TUBB4A: variants seen among roughly 807,000 people sequenced by gnomAD.
TUBB4A encodes tubulin beta 4A class IVa.
Under a neutral mutation model 35.1 loss-of-function variants are expected in TUBB4A, and 13 were observed. The observed-to-expected ratio is 0.37, with a 90% CI of 0.24 to 0.59. The LOEUF is 0.59. Ranked by LOEUF, TUBB4A falls within the 20% of genes least tolerant of loss-of-function variation. The pLI, the probability that TUBB4A is intolerant of heterozygous loss-of-function variation, is 0.71. For missense variants in TUBB4A, 299 were observed against 647.2 expected (o/e 0.46, Z 5.84); for synonymous variants, 279 against 272.4 (o/e 1.02, Z -0.24).
upstream of TUBB4A, chr19:6,502,354 GC>G: frequency 4.3e-6 from 4 of 927,668 alleles, no homozygotes; most frequent in Non-Finnish European, 6.0e-6. Context: ...GGCGGGGCAC[GC>G]GTCACGGCCG....
At chr19:6,502,342 C>T, upstream of TUBB4A, 1 of 1,061,760 alleles carries the variant, frequency 9.4e-7, no homozygotes, top group Non-Finnish European at 1.3e-6. Context: ...GCTATATGAG[C>T]GGGCGGGGCA....
At chr19:6,500,569 T>G (rs1914483429) in intron 3 of TUBB4A, 2 of 151,992 alleles carry the variant, frequency 1.3e-5, no homozygotes, top group Admixed American at 1.3e-4. Context: ...GAGACCCACC[T>G]CTCTACAAAG....
At chr19:6,496,632 AAATAAT>A (rs143972720) in intron 3 of TUBB4A, among the ~76,000 whole-genome samples, 75 of 143,442 alleles carry the variant, frequency 5.2e-4, no homozygotes, top group African/African-American at 1.6e-3. Flanking sequence ...CTCCGTCTCA[AAATAAT>A]AATAATAATA....
At position 6,495,566 on chromosome 19, in the gene TUBB4A, C is replaced by T; in HGVS notation, c.933G>A (p.Leu311=). 3 of 1,614,062 alleles carry T rather than the reference C, an allele frequency of 1.9e-6. No homozygotes were observed. The highest frequency in any genetic ancestry group is 2.5e-6 in the Non-Finnish European group (3 of 1,179,978). The part of the protein sequence containing the change: ...AACDPRHGRY[L]TVAAVFRGRM... ...GGCCCCGGAACACGGCGGCCACGGTCAGGTAGCGGCCGTGGCGCGGGTCGC... is the reference window on the plus strand; with the variant it reads ...GGCCCCGGAACACGGCGGCCACGGTTAGGTAGCGGCCGTGGCGCGGGTCGC... Residue 311 remains leucine, a synonymous_variant, in exon 4 of 4, where the codon CTG becomes CTA. Coordinates refer to ENST00000264071, the MANE Select transcript of TUBB4A (RefSeq NM_006087.4). This position sits in a 1 kb window ranked among gnomAD's most constrained non-coding sequence, Gnocchi z 8.7.
Position 6,502,172 on chromosome 19 carries a change from T to G in TUBB4A, c.41A>C (p.Asn14Thr). 6.3e-7 allele frequency: 1 copy of G among 1,577,436 alleles called. No homozygotes were observed. Among genetic ancestry groups the G allele is most frequent in the Non-Finnish European group, 8.5e-7 (1 of 1,169,740 alleles). ...CCCGAGCACCTTGGCCCCGATCTGG[T>G]TGCCGCACTGGCCGGCCTGCAGGTG... ...IVHLQAGQCG[N>T]QIGAKFWEVI... Residue 14 changes from asparagine to threonine, a missense_variant, in exon 1 of 4, where the codon AAC (asparagine) becomes ACC (threonine). By Grantham distance (65) the Asn-to-Thr change is moderately conservative (BLOSUM62 0). Around this residue, in one of 5 missense-constraint regions of TUBB4A, gnomAD observed 123 missense variants for 226.0 expected, o/e 0.54. Coordinates refer to ENST00000264071, the MANE Select transcript of TUBB4A (RefSeq NM_006087.4).
intron 3 of TUBB4A, among the ~76,000 whole-genome samples, chr19:6,497,564 C>T (rs189908334): frequency 7.2e-5 from 11 of 152,040 alleles, no homozygotes; most frequent in African/African-American, 2.4e-4. Flanking sequence ...CCATGCTTGG[C>T]CTGTGTTTTC....
Position 6,501,336 on chromosome 19 carries a change from G to A in TUBB4A, c.228C>T (p.Val76=). The change falls in exon 3 of 4, where the codon GTC becomes GTT. Residue 76 remains valine, a synonymous_variant. Coordinates refer to ENST00000264071, the MANE Select transcript of TUBB4A (RefSeq NM_006087.4). This position sits in a 1 kb window ranked among gnomAD's most constrained non-coding sequence, Gnocchi z 4.2. ...AGATCTGACCGAAGGGGCCAGAACG[G>A]ACAGAGTCCATGGTGCCGGGTTCCA... The part of the protein sequence containing the change: ...VDLEPGTMDS[V]RSGPFGQIFR... 1 of 1,614,204 alleles carries A rather than the reference G, an allele frequency of 6.2e-7. No individual in the cohort carries two copies. The highest frequency in any genetic ancestry group is 8.5e-7 in the Non-Finnish European group (1 of 1,180,016).
rs780625174 is a variant in TUBB4A, at chr19:6,501,449, G to A, written c.167-52C>T. 8.8e-6 allele frequency: 14 copies of A among 1,599,262 alleles called. No individual in the cohort carries two copies. Among genetic ancestry groups the A allele is most frequent in the Middle Eastern group, 1.7e-4 (1 of 6,048 alleles). On this transcript the variant is annotated intron_variant, in intron 2 of 3. Coordinates refer to ENST00000264071, the MANE Select transcript of TUBB4A (RefSeq NM_006087.4). The surrounding 1 kb of genome is among the most constrained non-coding windows in gnomAD (Gnocchi z 4.2). ...TCGATGCGTGCCAGGAACCACAGGC[G>A]CCCGGTAGCATCCTGTTCCCTCCCA...
chr19:6,501,201 TG>T lies in TUBB4A; in HGVS notation c.277+85del. 8.8e-7 allele frequency: 1 copy of T among 1,139,146 alleles called. No individual in the cohort carries two copies. Among genetic ancestry groups the T allele is most frequent in the Non-Finnish European group, 1.3e-6 (1 of 789,756 alleles). 70.6% of individuals were successfully genotyped at this position (1,139,146 alleles called of 1,614,324 possible). A position where few individuals can be genotyped will look rare whatever the true frequency, so the allele number is the denominator to read the frequency against. Reference sequence around the variant, plus strand: ...CCCTGTCCACCCCATCTCTGGTCTGTGGGCCCCGGTGGTGGCTGTTGACTCT... The same window carrying T: ...CCCTGTCCACCCCATCTCTGGTCTGTGGCCCCGGTGGTGGCTGTTGACTCT... On this transcript the variant is annotated intron_variant, in intron 3 of 3. Coordinates refer to ENST00000264071, the MANE Select transcript of TUBB4A (RefSeq NM_006087.4). The surrounding 1 kb of genome is among the most constrained non-coding windows in gnomAD (Gnocchi z 4.2).
chr19:6,498,673 C>G (rs1914388923), intron 3 of TUBB4A, among the ~76,000 whole-genome samples: 1 of 152,174 alleles, frequency 6.6e-6, no homozygotes. Context: ...ACTTTTTCCT[C>G]ACTTCCTTCA....
chr19:6,500,335 T>C lies in TUBB4A; in HGVS notation c.277+952A>G, dbSNP rs143503838. Among the ~76,000 whole-genome samples, 1,243 of 152,258 alleles carry C rather than the reference T, an allele frequency of 8.2e-3. 16 individuals carry two copies. Among genetic ancestry groups the C allele is most frequent in the African/African-American group, 0.028 (1,178 of 41,550 alleles). ...TTTTTGTAGAGACAGGGTCTCACCATGGTGCCCAGGCTGGTCTCGAACTCC... is the reference window on the plus strand; with the variant it reads ...TTTTTGTAGAGACAGGGTCTCACCACGGTGCCCAGGCTGGTCTCGAACTCC... On this transcript the variant is annotated intron_variant, in intron 3 of 3. Transcript: ENST00000264071.
In TUBB4A at chr19:6,501,706, C is replaced by G; in HGVS notation, c.58-83G>C. 2 of 1,117,598 alleles carry G rather than the reference C, an allele frequency of 1.8e-6. No individual in the cohort carries two copies. The highest frequency in any genetic ancestry group is 2.6e-6 in the Non-Finnish European group (2 of 756,010). The allele number at this position is 1,117,598 out of a possible 1,614,324, so 69.2% of individuals were successfully genotyped here. A position where few individuals can be genotyped will look rare whatever the true frequency, so the allele number is the denominator to read the frequency against. On this transcript the variant is annotated intron_variant, in intron 1 of 3. Transcript: ENST00000264071. The surrounding 1 kb of genome is among the most constrained non-coding windows in gnomAD (Gnocchi z 4.2). Reference sequence around the variant, plus strand: ...GACTGCCCCCAGCCCCCAACTAGCTCCCTAGCTGCCACCTCTCCCCCAGCA... The same window carrying G: ...GACTGCCCCCAGCCCCCAACTAGCTGCCTAGCTGCCACCTCTCCCCCAGCA...
intron 3 of TUBB4A, among the ~76,000 whole-genome samples, chr19:6,497,462 C>G (rs185383043): frequency 3.0e-4 from 45 of 150,980 alleles, no homozygotes; most frequent in African/African-American, 9.0e-4. Context: ...GGTGGGGTTT[C>G]GACATGTTGC....
At position 6,501,952 on chromosome 19, in the gene TUBB4A, C is replaced by G. The variant is rs1407851337; in HGVS notation, c.57+204G>C. Among the ~76,000 whole-genome samples, 1 of 152,136 alleles carries G rather than the reference C, an allele frequency of 6.6e-6. No individual in the cohort carries two copies. The highest frequency in any genetic ancestry group is 1.5e-5 in the Non-Finnish European group (1 of 68,006). The stretch of plus-strand genomic sequence containing the variant: ...GTGACAGGCGGACAGAAGGCTGGCT[C>G]CCACTCTCCGCAGCCTCTTTGTTCC... On this transcript the variant is annotated intron_variant, in intron 1 of 3. Transcript: ENST00000264071. This position sits in a 1 kb window ranked among gnomAD's most constrained non-coding sequence, Gnocchi z 4.2.
intron 3 of TUBB4A, among the ~76,000 whole-genome samples, chr19:6,498,110 C>T (rs1914346179): frequency 6.9e-6 from 1 of 145,938 alleles, no homozygotes; most frequent in Admixed American, 7.0e-5. Context: ...ACTCGGGAGG[C>T]TGAGGCAGGA....
In TUBB4A at chr19:6,502,024, C is replaced by T. The variant is rs1160136583; in HGVS notation, c.57+132G>A. On this transcript the variant is annotated intron_variant, in intron 1 of 3. Transcript: ENST00000264071. ...ACCCCGCGACCCTTCCCCCAAGGCC[C>T]CTGGGGCGCGCTGGCCTCCTGGGGA... The T allele has an allele frequency of 2.9e-6, 3 of 1,031,374 alleles. No individual in the cohort carries two copies. The Admixed American group carries it at 9.4e-5, about 32-fold the overall frequency. 63.9% of individuals were successfully genotyped at this position (1,031,374 alleles called of 1,614,324 possible).
Position 6,494,795 on chromosome 19 carries a change from C to T in TUBB4A, c.*369G>A, listed in dbSNP as rs998281469. The T allele has an allele frequency of 3.2e-5, 10 of 310,850 alleles. No individual in the cohort carries two copies. The highest frequency in any genetic ancestry group is 1.9e-4 in the African/African-American group (9 of 46,896). The allele number at this position is 310,850 out of a possible 1,614,324, so 19.3% of individuals were successfully genotyped here. Reference sequence around the variant, plus strand: ...GGGAGGGGTCAAACATAAACCAGAACTTATAGGTCTAGAGGTAAAATGGGA... The same window carrying T: ...GGGAGGGGTCAAACATAAACCAGAATTTATAGGTCTAGAGGTAAAATGGGA... On this transcript the variant is annotated 3_prime_UTR_variant, in exon 4 of 4. Transcript: ENST00000264071.
Position 6,502,138 on chromosome 19 carries a change from G to T in TUBB4A, c.57+18C>A. Reference sequence around the variant, plus strand: ...CCCGGGGCCGCCACTGCCTCCCCGGGCCCCGTTCCCCGAGCACCTTGGCCC... The same window carrying T: ...CCCGGGGCCGCCACTGCCTCCCCGGTCCCCGTTCCCCGAGCACCTTGGCCC... On this transcript the variant is annotated intron_variant, in intron 1 of 3. Transcript: ENST00000264071. 6.4e-7 allele frequency: 1 copy of T among 1,557,382 alleles called. No homozygotes were observed. The highest frequency in any genetic ancestry group is 2.5e-5 in the East Asian group (1 of 40,480).
chr19:6,499,301 CAA>C (rs76385255), intron 3 of TUBB4A, among the ~76,000 whole-genome samples: 9 of 127,592 alleles, frequency 7.1e-5, no homozygotes, highest in Admixed American at 2.4e-4. Flanking sequence ...GACTCCGTCT[CAA>C]AAAAAAAAAA....
Sources: allele counts gnomAD v4.1 joint callset (sites outside exome capture counted in the v4.1 genomes callset), GRCh38; gene constraint gnomAD v4.1.1; regional missense constraint gnomAD v4.1.1; non-coding constraint Gnocchi (gnomAD v3.1); transcripts MANE v1.5; gene names NCBI Gene and HGNC (gene_info 2026-07-23, HGNC 2026-07-21).